BICC1: variants seen among roughly 807,000 people sequenced by gnomAD.
BICC1 encodes the protein BicC family RNA binding protein 1, also known as protein bicaudal C homolog 1.
A neutral mutation model predicts 111.0 loss-of-function variants in BICC1; 43 were observed. The ratio of observed to expected loss-of-function variants is 0.39; its 90% confidence interval spans 0.30 to 0.50. The LOEUF (loss-of-function observed/expected upper bound fraction) is 0.50, where lower values mean the gene tolerates loss of function less well. Among genes scored for constraint, BICC1 ranks in the 20% least tolerant of loss-of-function variants. The pLI is 0.88. For synonymous variants in BICC1, 467 were observed against 434.4 expected, an observed-to-expected ratio of 1.07 and a Z score of -0.93; for missense variants, 1,091 against 1,203.2, an observed-to-expected ratio of 0.91 and a Z score of 1.38.
chr10:58,712,758 A>G (rs1419430211), intron 3 of BICC1, among the ~76,000 whole-genome samples: 2 of 152,192 alleles, frequency 1.3e-5, no homozygotes, highest in African/African-American at 4.8e-5. Context: ...ATTATTCTGT[A>G]TGATTTACAA....
At chr10:58,601,158 A>G (rs1275715524) in intron 1 of BICC1, among the ~76,000 whole-genome samples, 1 of 138,558 alleles carries the variant, frequency 7.2e-6, no homozygotes, top group African/African-American at 2.6e-5. Flanking sequence ...ATATATATAT[A>G]TATATATATA....
At chr10:58,828,723 C>T in intron 20 of BICC1, 38 bp from the exon 21 acceptor site, 1 of 1,604,584 alleles carries the variant, frequency 6.2e-7, no homozygotes. Context: ...CATAGAACTT[C>T]TCTTGAGCTC....
chr10:58,739,149 C>A (rs534860680), intron 3 of BICC1, among the ~76,000 whole-genome samples: 1 of 152,278 alleles, frequency 6.6e-6, no homozygotes, highest in South Asian at 2.1e-4. Context: ...GAGAGGGCAT[C>A]CCTGTCTTGT....
At chr10:58,667,004 T>C (rs978260452) in intron 2 of BICC1, among the ~76,000 whole-genome samples, 3 of 152,144 alleles carry the variant, frequency 2.0e-5, no homozygotes, top group African/African-American at 7.2e-5. Flanking sequence ...TATTCTCACT[T>C]TTCAATAATG....
At chr10:58,770,290 CTT>C (rs1564604045) in intron 3 of BICC1, among the ~76,000 whole-genome samples, 2 of 151,688 alleles carry the variant, frequency 1.3e-5, no homozygotes, top group African/African-American at 2.4e-5. Flanking sequence ...GACATTTTTT[CTT>C]TTTTTGAGAA....
At chr10:58,683,540 G>A (rs1004649013) in intron 2 of BICC1, among the ~76,000 whole-genome samples, 4 of 152,122 alleles carry the variant, frequency 2.6e-5, no homozygotes, top group African/African-American at 7.2e-5. Context: ...ATTTGTTTGT[G>A]TCCTCTTTTA....
chr10:58,810,842 A>G (rs1050543756), intron 17 of BICC1, among the ~76,000 whole-genome samples: 3 of 152,174 alleles, frequency 2.0e-5, no homozygotes, highest in Admixed American at 6.5e-5. Flanking sequence ...AATAAAGCCA[A>G]ATGAACAAGG....
chr10:58,579,317 G>A (rs1378400857), intron 1 of BICC1, among the ~76,000 whole-genome samples: 3 of 152,150 alleles, frequency 2.0e-5, no homozygotes, highest in African/African-American at 4.8e-5. Flanking sequence ...TTATTTTTGG[G>A]TTATGCTGCT....
intron 1 of BICC1, among the ~76,000 whole-genome samples, chr10:58,583,620 GT>G (rs1844348124): frequency 6.7e-6 from 1 of 149,396 alleles, no homozygotes; most frequent in Non-Finnish European, 1.5e-5. Flanking sequence ...GTGTGTGTGT[GT>G]GTGTGTACAT....
intron 20 of BICC1, chr10:58,823,229 G>A (rs1844303202): frequency 1.4e-5 from 14 of 985,206 alleles, no homozygotes; most frequent in Non-Finnish European, 1.7e-5. Flanking sequence ...CTTTTAGTTT[G>A]TGACTCTGTT....
At chr10:58,615,833 G>A (rs146069890) in intron 1 of BICC1, among the ~76,000 whole-genome samples, 1 of 152,302 alleles carries the variant, frequency 6.6e-6, no homozygotes, top group East Asian at 1.9e-4. Context: ...CTAGGTGGTG[G>A]CAGTAAATCG....
intron 1 of BICC1, among the ~76,000 whole-genome samples, chr10:58,538,109 T>G (rs1441544957): frequency 1.3e-5 from 2 of 151,636 alleles, no homozygotes; most frequent in African/African-American, 4.8e-5. Context: ...TTTCAGATAA[T>G]TAGAAAAAAA....
intron 3 of BICC1, among the ~76,000 whole-genome samples, chr10:58,725,369 A>AT (rs1841072260): frequency 6.6e-6 from 1 of 152,090 alleles, no homozygotes; most frequent in African/African-American, 2.4e-5. Context: ...CCCAGATGTA[A>AT]TTCAGCAAAC....
intron 5 of BICC1, 51 bp from the exon 6 acceptor site, chr10:58,788,319 A>C (rs774962089): frequency 7.5e-7 from 1 of 1,337,848 alleles, no homozygotes. Flanking sequence ...TGGAAAAGAG[A>C]TGTGAGTTTG....
At position 58,737,718 on chromosome 10, in the gene BICC1, G is replaced by A. The variant is rs574517084; in HGVS notation, c.307+35575G>A. On this transcript the variant is annotated intron_variant, in intron 3 of 20. Coordinates refer to ENST00000373886, the MANE Select transcript of BICC1 (RefSeq NM_001080512.3). The stretch of plus-strand genomic sequence containing the variant: ...GAACTAGTTTACAGTACCACCAATG[G>A]TGCTATTTCTCCACATCCTCCCCAG... Among the ~76,000 whole-genome samples, 10 of 150,710 alleles carry A rather than the reference G, an allele frequency of 6.6e-5. No homozygotes were observed. The South Asian group carries it at 2.1e-3, about 31-fold the overall frequency.
intron 15 of BICC1, among the ~76,000 whole-genome samples, chr10:58,804,787 A>G (rs2132891205): frequency 6.6e-6 from 1 of 152,252 alleles, no homozygotes; most frequent in East Asian, 1.9e-4. Flanking sequence ...TTGTTAGTGA[A>G]CAGTTGACTC....
chr10:58,632,548 A>G (rs1837827725), intron 2 of BICC1, among the ~76,000 whole-genome samples: 1 of 151,726 alleles, frequency 6.6e-6, no homozygotes, highest in Non-Finnish European at 1.5e-5. Flanking sequence ...GGGAAGATGG[A>G]TTTCTTGGGA....
chr10:58,636,517 A>G (rs1292661991), intron 2 of BICC1, among the ~76,000 whole-genome samples: 2 of 152,124 alleles, frequency 1.3e-5, no homozygotes, highest in Non-Finnish European at 2.9e-5. Context: ...CCTAGGAAGT[A>G]GGTTTTTAAA....
chr10:58,824,132 T>C (rs1392440238), intron 20 of BICC1: 59 of 980,846 alleles, frequency 6.0e-5, no homozygotes, highest in Non-Finnish European at 6.4e-5. Flanking sequence ...TTTGTATTCC[T>C]GATGCCTTGG....
Sources: allele counts gnomAD v4.1 joint callset (sites outside exome capture counted in the v4.1 genomes callset), GRCh38; gene constraint gnomAD v4.1.1; transcripts MANE v1.5; gene names NCBI Gene and HGNC (gene_info 2026-07-23, HGNC 2026-07-21).